Variants in CDH8 observed in about 807,000 individuals in gnomAD.
The protein encoded by CDH8 is cadherin-8.
In CDH8, 17 loss-of-function variants were observed where a neutral mutation model predicts 68.1. The ratio of observed to expected loss-of-function variants is 0.25; its 90% CI spans 0.17 to 0.37. The LOEUF (loss-of-function observed/expected upper bound fraction) is 0.37, where lower values mean the gene tolerates loss of function less well. Among genes scored for constraint, CDH8 ranks in the 10% least tolerant of loss-of-function variants. The pLI is 1.00. For synonymous variants in CDH8, 372 were observed against 365.1 expected, an observed-to-expected ratio of 1.02 and a Z score of -0.21; for missense variants, 763 against 999.3, an observed-to-expected ratio of 0.76 and a Z score of 3.19.
At chr16:61,699,784 C>T (rs1964388823) in intron 10 of CDH8, among the ~76,000 whole-genome samples, 1 of 152,056 alleles carries the variant, frequency 6.6e-6, no homozygotes, top group Non-Finnish European at 1.5e-5. Flanking sequence ...CCATGTTGGC[C>T]AGGCTGGCCT....
chr16:61,900,029 A>G (rs766423689), intron 3 of CDH8, among the ~76,000 whole-genome samples: 3 of 152,144 alleles, frequency 2.0e-5, no homozygotes, highest in Admixed American at 6.5e-5. Context: ...TGAAGACACT[A>G]TATGTCTGTA....
chr16:61,927,932 C>A (rs1047918700), intron 2 of CDH8, among the ~76,000 whole-genome samples: 1 of 152,230 alleles, frequency 6.6e-6, no homozygotes. Context: ...TACATACGAA[C>A]ACATGAGAGC....
chr16:61,799,074 C>T (rs1229679292), intron 7 of CDH8, among the ~76,000 whole-genome samples: 1 of 152,098 alleles, frequency 6.6e-6, no homozygotes, highest in Non-Finnish European at 1.5e-5. Flanking sequence ...TGACCTTGAT[C>T]CTCACTGCTT....
chr16:61,978,766 CT>C (rs1160383574), intron 2 of CDH8, among the ~76,000 whole-genome samples: 3 of 152,266 alleles, frequency 2.0e-5, no homozygotes, highest in Non-Finnish European at 1.5e-5. Flanking sequence ...TAGACCACCC[CT>C]CTTTAGCAGC....
At chr16:61,995,538 C>T (rs547235638) in intron 2 of CDH8, among the ~76,000 whole-genome samples, 112 of 152,136 alleles carry the variant, frequency 7.4e-4, no homozygotes, top group Non-Finnish European at 7.2e-4. Flanking sequence ...TCACAATGCC[C>T]GGCTAATTTT....
rs1963339465 is a variant in CDH8, at chr16:61,652,304, A to G, written c.*1304T>C. 1 of 985,100 alleles carries G rather than the reference A, an allele frequency of 1.0e-6. No individual in the cohort carries two copies. Among genetic ancestry groups the G allele is most frequent in the Non-Finnish European group, 1.2e-6 (1 of 829,772 alleles). The allele number at this position is 985,100 out of a possible 1,614,324, so 61.0% of individuals were successfully genotyped here. ...AAAAACGTAAACAGTGAAATTATGTACAAATCAGTTCCTGCTCTAAAACTG... is the reference window on the plus strand; with the variant it reads ...AAAAACGTAAACAGTGAAATTATGTGCAAATCAGTTCCTGCTCTAAAACTG... On this transcript the variant is annotated 3_prime_UTR_variant, in exon 12 of 12. Transcript: ENST00000577390.
rs1245590251 is a variant in CDH8 at position 61,657,452 on chromosome 16, G to A, written c.1655-1731C>T. 3.3e-5 allele frequency among the ~76,000 whole-genome samples: 5 copies of A among 152,050 alleles called. No individual in the cohort carries two copies. In the East Asian group the frequency reaches 9.7e-4, roughly 29 times the overall value. ...GTTGTACATCATTATATAGTAATTT[G>A]AATATACTGAGAAAAAGAGATTTCT... On this transcript the variant is annotated intron_variant, in intron 10 of 11. Coordinates refer to ENST00000577390, the MANE Select transcript of CDH8 (RefSeq NM_001796.5).
chr16:62,018,493 C>T (rs1901996398), intron 2 of CDH8, among the ~76,000 whole-genome samples: 2 of 152,150 alleles, frequency 1.3e-5, no homozygotes, highest in Admixed American at 1.3e-4. Context: ...AGGTAAAACA[C>T]TAAAGCACCG....
chr16:61,852,887 T>A (rs1261144195), intron 4 of CDH8, among the ~76,000 whole-genome samples: 358 of 133,380 alleles, frequency 2.7e-3, no homozygotes, highest in South Asian at 4.4e-3. Context: ...CCTTCCTTCC[T>A]TCCTTCCATT....
At chr16:61,835,493 G>C (rs991358403) in intron 4 of CDH8, among the ~76,000 whole-genome samples, 1 of 151,756 alleles carries the variant, frequency 6.6e-6, no homozygotes, top group African/African-American at 2.4e-5. Context: ...GTAGCTCTTG[G>C]ATTCCCTGTT....
chr16:61,695,109 A>G (rs1044693398), intron 10 of CDH8, among the ~76,000 whole-genome samples: 88 of 151,502 alleles, frequency 5.8e-4, no homozygotes, highest in African/African-American at 2.1e-3. Flanking sequence ...TTAGTGGAAT[A>G]CTTCTGCTGT....
At chr16:61,867,103 C>G (rs2143022134) in intron 3 of CDH8, among the ~76,000 whole-genome samples, 1 of 152,174 alleles carries the variant, frequency 6.6e-6, no homozygotes, top group South Asian at 2.1e-4. Context: ...CACTGAGCTA[C>G]TGAGGAATGA....
chr16:61,707,196 T>C (rs1483908449), intron 10 of CDH8, among the ~76,000 whole-genome samples: 2 of 152,112 alleles, frequency 1.3e-5, no homozygotes, highest in African/African-American at 4.8e-5. Flanking sequence ...GGTGAACAAG[T>C]GAGATTCAAG....
intron 3 of CDH8, among the ~76,000 whole-genome samples, chr16:61,864,038 G>T (rs1000330630): frequency 3.3e-5 from 5 of 152,058 alleles, no homozygotes; most frequent in African/African-American, 1.2e-4. Context: ...GGAGCACAGG[G>T]GTTGCCATGA....
intron 8 of CDH8, among the ~76,000 whole-genome samples, chr16:61,749,775 A>T (rs1008708183): frequency 3.0e-4 from 45 of 152,030 alleles, no homozygotes; most frequent in African/African-American, 9.9e-4. Flanking sequence ...AGATCCTGAT[A>T]CCTCTGTGTC....
chr16:61,735,733 A>G (rs1195418644), intron 8 of CDH8, among the ~76,000 whole-genome samples: 3 of 152,092 alleles, frequency 2.0e-5, no homozygotes, highest in African/African-American at 7.2e-5. Flanking sequence ...TAAAATAGGG[A>G]ATTATCTTTC....
chr16:61,880,457 C>T (rs1315223443), intron 3 of CDH8, among the ~76,000 whole-genome samples: 1 of 152,100 alleles, frequency 6.6e-6, no homozygotes, highest in Non-Finnish European at 1.5e-5. Context: ...GAACTATATC[C>T]AGAAAGCAAT....
intron 3 of CDH8, among the ~76,000 whole-genome samples, chr16:61,878,111 G>A (rs961187126): frequency 1.3e-5 from 2 of 152,154 alleles, no homozygotes; most frequent in Non-Finnish European, 1.5e-5. Flanking sequence ...TTTGTGTCTG[G>A]CTGTTAAGTG....
At chr16:61,921,223 G>A (rs1204287330) in intron 2 of CDH8, among the ~76,000 whole-genome samples, 1 of 150,122 alleles carries the variant, frequency 6.7e-6, no homozygotes, top group Non-Finnish European at 1.5e-5. Context: ...CCTGCACAAT[G>A]TGCACATGTA....
Sources: gnomAD v4.1 joint callset for allele counts (sites outside exome capture counted in the v4.1 genomes callset) on GRCh38, gnomAD v4.1.1 for gene constraint, MANE v1.5 for transcripts, NCBI Gene and HGNC (gene_info 2026-07-23, HGNC 2026-07-21) for gene names.